Variants in TUSC3 observed in about 807,000 individuals in gnomAD.
The protein encoded by TUSC3 is dolichyl-diphosphooligosaccharide--protein glycosyltransferase subunit TUSC3.
A neutral mutation model predicts 44.8 loss-of-function variants in TUSC3; 45 were observed. That is an observed-to-expected ratio of 1.00 (90% CI 0.79 to 1.29). TUSC3 has a LOEUF of 1.29. Among genes scored for constraint, TUSC3 ranks in the 50% most tolerant of loss-of-function variants. TUSC3 has a pLI of 0.00. For missense variants in TUSC3, 519 were observed against 437.9 expected (o/e 1.19, Z -1.65); for synonymous variants, 212 against 152.9 (o/e 1.39, Z -2.85).
intron 2 of TUSC3, among the ~76,000 whole-genome samples, chr8:15,630,497 A>G (rs985850646): frequency 1.3e-5 from 2 of 152,184 alleles, no homozygotes; most frequent in African/African-American, 2.4e-5. Flanking sequence ...TGAAAGTTAG[A>G]TATGAACAAA....
intron 2 of TUSC3, among the ~76,000 whole-genome samples, chr8:15,493,231 G>T (rs902278699): frequency 6.6e-6 from 1 of 152,100 alleles, no homozygotes. Context: ...TGACTCTATT[G>T]TATGAGTCCA....
intron 1 of TUSC3, among the ~76,000 whole-genome samples, chr8:15,438,816 A>G (rs755188295): frequency 2.6e-5 from 4 of 152,210 alleles, no homozygotes; most frequent in African/African-American, 4.8e-5. Context: ...AGCAGATATT[A>G]TCCCCATCTC....
the TUSC3 span, among the ~76,000 whole-genome samples, chr8:15,821,065 G>A: frequency 4.6e-5 from 7 of 152,088 alleles, no homozygotes; most frequent in African/African-American, 1.7e-4. Context: ...AGCATTTTTT[G>A]TAGAGTAAAT....
At chr8:15,566,702 C>T (rs1207049525) in intron 1 of TUSC3, among the ~76,000 whole-genome samples, 2 of 152,016 alleles carry the variant, frequency 1.3e-5, no homozygotes, top group East Asian at 1.9e-4. Context: ...TCACGACAGC[C>T]ACAACCAACC....
At chr8:15,633,983 C>G (rs1805945058) in intron 2 of TUSC3, among the ~76,000 whole-genome samples, 1 of 152,150 alleles carries the variant, frequency 6.6e-6, no homozygotes, top group African/African-American at 2.4e-5. Flanking sequence ...TGGGTCAGCT[C>G]CCCCAGGTAT....
chr8:15,637,182 G>A (rs972396899), intron 2 of TUSC3, among the ~76,000 whole-genome samples: 1 of 151,804 alleles, frequency 6.6e-6, no homozygotes, highest in Non-Finnish European at 1.5e-5. Context: ...TCTACTTCAG[G>A]GACTCTAATT....
intron 10 of TUSC3, 46 bp from the exon 11 acceptor site, chr8:15,764,157 C>A: frequency 6.6e-7 from 1 of 1,506,110 alleles, no homozygotes; most frequent in South Asian, 1.1e-5. Flanking sequence ...ATTGTATTTT[C>A]CTTATGTTCT....
At chr8:15,607,617 C>T (rs544051225) in intron 1 of TUSC3, among the ~76,000 whole-genome samples, 25 of 152,204 alleles carry the variant, frequency 1.6e-4, no homozygotes, top group South Asian at 2.1e-4. Context: ...ACCCAGATAT[C>T]GACTACCTAG....
At chr8:15,605,299 C>T (rs1336456901) in intron 1 of TUSC3, among the ~76,000 whole-genome samples, 1 of 151,828 alleles carries the variant, frequency 6.6e-6, no homozygotes, top group Non-Finnish European at 1.5e-5. Context: ...TTTAGTCACT[C>T]TTTTTTTGCA....
chr8:15,743,422 A>G lies in TUSC3; in HGVS notation c.863-116A>G, dbSNP rs1811277227. On this transcript the variant is annotated intron_variant, in intron 7 of 10. Transcript: ENST00000503731. ...ATGTTATATAAAGGTAATTGATTGT[A>G]TTTACCTCTGTGTGCATTTGTAGTT... is the stretch of plus-strand genomic sequence containing the variant. 5 of 1,025,138 alleles carry G rather than the reference A, an allele frequency of 4.9e-6. No homozygotes were observed. The South Asian group carries it at 5.1e-5, about 10-fold the overall frequency. 63.5% of individuals were successfully genotyped at this position (1,025,138 alleles called of 1,614,324 possible). A position where few individuals can be genotyped will look rare whatever the true frequency, so the allele number is the denominator to read the frequency against.
At chr8:15,783,922 G>A in the TUSC3 span, among the ~76,000 whole-genome samples, 4 of 152,078 alleles carry the variant, frequency 2.6e-5, no homozygotes, top group African/African-American at 7.2e-5. Context: ...ACGCACAGAT[G>A]GGGAGAAAAT....
rs181895077 is a variant in TUSC3 at position 15,748,121 on chromosome 8, C to G, written c.938-254C>G. The stretch of plus-strand genomic sequence containing the variant: ...AAACCTCCAGAAGACTTAGATCAGT[C>G]AATTTTGTTGTTTTCATACCACAAA... On this transcript the variant is annotated intron_variant, in intron 8 of 10. Coordinates refer to ENST00000503731, the MANE Select transcript of TUSC3 (RefSeq NM_006765.4). Among the ~76,000 whole-genome samples the G allele has an allele frequency of 2.0e-3, 298 of 152,100 alleles. 1 individual carries two copies. Among genetic ancestry groups the G allele is most frequent in the Non-Finnish European group, 3.3e-3 (227 of 67,916 alleles).
At chr8:15,664,951 T>G (rs1807592152) in intron 5 of TUSC3, among the ~76,000 whole-genome samples, 1 of 151,344 alleles carries the variant, frequency 6.6e-6, no homozygotes, top group Admixed American at 6.6e-5. Context: ...TGCTTATAAA[T>G]TGAAAAACTG....
the TUSC3 span, among the ~76,000 whole-genome samples, chr8:15,843,005 C>T: frequency 2.0e-5 from 3 of 152,160 alleles, no homozygotes; most frequent in Admixed American, 6.5e-5. Context: ...TTTGTAGCAA[C>T]CACAGCCTGA....
intron 6 of TUSC3, among the ~76,000 whole-genome samples, chr8:15,699,579 T>G (rs1809310547): frequency 6.6e-6 from 1 of 152,228 alleles, no homozygotes; most frequent in African/African-American, 2.4e-5. Flanking sequence ...CAGAAACTTA[T>G]TTCCTTATTA....
intron 2 of TUSC3, among the ~76,000 whole-genome samples, chr8:15,641,054 T>C (rs758735624): frequency 2.6e-5 from 4 of 152,186 alleles, no homozygotes; most frequent in Non-Finnish European, 5.9e-5. Flanking sequence ...ATGTGTGCTC[T>C]GTAGCTATAG....
At chr8:15,444,729 T>C (rs1800068882) in intron 1 of TUSC3, among the ~76,000 whole-genome samples, 1 of 152,048 alleles carries the variant, frequency 6.6e-6, no homozygotes, top group Non-Finnish European at 1.5e-5. Context: ...AAGTATCGGT[T>C]CTCTAACTCA....
At chr8:15,443,339 TGTG>T (rs1563252078) in intron 1 of TUSC3, among the ~76,000 whole-genome samples, 20 of 33,114 alleles carry the variant, frequency 6.0e-4, no homozygotes, top group African/African-American at 2.1e-3. Flanking sequence ...CACCTAATTG[TGTG>T]TGTGTGTGTG....
downstream of TUSC3, among the ~76,000 whole-genome samples, chr8:15,769,594 T>G (rs1812405873): frequency 1.3e-5 from 2 of 152,002 alleles, no homozygotes; most frequent in Admixed American, 1.3e-4. Context: ...CTAATTAAAC[T>G]AAAGAGCTTC....
Sources: allele counts gnomAD v4.1 joint callset (sites outside exome capture counted in the v4.1 genomes callset), GRCh38; gene constraint gnomAD v4.1.1; transcripts MANE v1.5; gene names NCBI Gene and HGNC (gene_info 2026-07-23, HGNC 2026-07-21).